FGF14: variants seen among roughly 807,000 people sequenced by gnomAD.
The protein encoded by FGF14 is fibroblast growth factor 14.
A neutral mutation model predicts 25.5 loss-of-function variants in FGF14; 5 were observed. The ratio of observed to expected loss-of-function variants is 0.20; its 90% CI spans 0.10 to 0.41. FGF14 has a LOEUF of 0.41. Among genes scored for constraint, FGF14 ranks in the 10% least tolerant of loss-of-function variants. The pLI, the probability that FGF14 is intolerant of heterozygous loss-of-function variation, is 1.00. For missense variants in FGF14, 222 were observed against 320.1 expected (o/e 0.69, Z 2.34); for synonymous variants, 138 against 118.3 (o/e 1.17, Z -1.08).
At chr13:101,817,999 T>C (rs2041927206) in intron 3 of FGF14, among the ~76,000 whole-genome samples, 2 of 152,206 alleles carry the variant, frequency 1.3e-5, no homozygotes, top group South Asian at 2.1e-4. Flanking sequence ...CTCTCAGTTA[T>C]TCAGTCAGTC....
intron 3 of FGF14, among the ~76,000 whole-genome samples, chr13:101,837,503 C>T (rs1175335868): frequency 1.3e-5 from 2 of 152,024 alleles, no homozygotes; most frequent in Non-Finnish European, 2.9e-5. Flanking sequence ...TAAATGATGG[C>T]TATCATCACA....
At chr13:102,033,283 T>C (rs1029582994) in intron 1 of FGF14, among the ~76,000 whole-genome samples, 4 of 152,046 alleles carry the variant, frequency 2.6e-5, no homozygotes, top group Admixed American at 2.6e-4. Flanking sequence ...CATATACCAG[T>C]ATACAAATAA....
intron 1 of FGF14, among the ~76,000 whole-genome samples, chr13:102,050,474 A>G (rs1229195667): frequency 6.6e-6 from 1 of 152,204 alleles, no homozygotes; most frequent in Non-Finnish European, 1.5e-5. Flanking sequence ...GTAAACATCC[A>G]ACAACTGATA....
intron 1 of FGF14, among the ~76,000 whole-genome samples, chr13:101,966,623 C>G (rs2037218031): frequency 6.6e-6 from 1 of 152,156 alleles, no homozygotes; most frequent in South Asian, 2.1e-4. Context: ...GCTGGGATTA[C>G]AGGTGCCCAC....
chr13:102,394,820 C>G lies in FGF14; in HGVS notation c.208+6651G>C, dbSNP rs540805149. Reference sequence around the variant, plus strand: ...TCCACACTCGGAACCCAGCTTCACCCGGATTACCGAGGGGTTCCACGCCTG... The same window carrying G: ...TCCACACTCGGAACCCAGCTTCACCGGGATTACCGAGGGGTTCCACGCCTG... On this transcript the variant is annotated intron_variant, in intron 1 of 4. Transcript: ENST00000376131. 1.0e-4 allele frequency: 16 copies of G among 152,506 alleles called. 1 individual carries two copies. The highest frequency in any genetic ancestry group is 5.2e-4 in the Admixed American group (8 of 15,312). 9.4% of individuals were successfully genotyped at this position (152,506 alleles called of 1,614,324 possible).
At chr13:102,124,820 C>T (rs1240332634) in intron 1 of FGF14, among the ~76,000 whole-genome samples, 1 of 152,100 alleles carries the variant, frequency 6.6e-6, no homozygotes, top group African/African-American at 2.4e-5. Context: ...AGCAAACATT[C>T]TTCTGCATTC....
At chr13:102,355,461 T>C (rs189286628) in intron 1 of FGF14, among the ~76,000 whole-genome samples, 3 of 151,828 alleles carry the variant, frequency 2.0e-5, no homozygotes, top group African/African-American at 7.3e-5. Flanking sequence ...CTCCCCCAGA[T>C]GGTGATTCCT....
intron 1 of FGF14, among the ~76,000 whole-genome samples, chr13:102,169,100 T>TGAAGCTTTGTAAGATTCG (rs527425886): frequency 7.9e-5 from 12 of 151,378 alleles, no homozygotes; most frequent in Non-Finnish European, 1.6e-4. Context: ...TTAGGATATA[T>TGAAGCTTTGTAAGATTCG]GAAGCTTTGT....
chr13:101,712,082 G>A lies in FGF14; in HGVS notation c.*10749C>T, dbSNP rs952975007. On this transcript the variant is annotated 3_prime_UTR_variant, in exon 5 of 5. Coordinates refer to ENST00000376143, the MANE Select transcript of FGF14 (RefSeq NM_004115.4). ...TGTTATGGAAGAAAACAGCTAGAGC[G>A]TTCTACAGGAAAAGTGCTATAATAG... 4.6e-5 allele frequency: 7 copies of A among 152,136 alleles called. No homozygotes were observed. Among genetic ancestry groups the A allele is most frequent in the South Asian group, 2.1e-4 (1 of 4,822 alleles). The allele number at this position is 152,136 out of a possible 1,614,324, so 9.4% of individuals were successfully genotyped here.
At chr13:102,156,588 T>G (rs2047352113) in intron 1 of FGF14, among the ~76,000 whole-genome samples, 1 of 152,346 alleles carries the variant, frequency 6.6e-6, no homozygotes, top group Non-Finnish European at 1.5e-5. Flanking sequence ...GCATTCCCTT[T>G]GAAAACTGGC....
intron 3 of FGF14, among the ~76,000 whole-genome samples, chr13:101,797,772 T>TGCGCGC (rs1555384574): frequency 0.023 from 3,279 of 145,658 alleles, 57 homozygotes; most frequent in Middle Eastern, 0.059. Context: ...TGTGTGTGTG[T>TGCGCGC]GTGTGTGTGT....
chr13:102,383,077 T>G (rs747825527), intron 1 of FGF14, among the ~76,000 whole-genome samples: 1 of 152,132 alleles, frequency 6.6e-6, no homozygotes, highest in Non-Finnish European at 1.5e-5. Flanking sequence ...AATTGTATAC[T>G]TTAAAAGGGT....
At chr13:102,262,714 C>T (rs898143765) in intron 1 of FGF14, among the ~76,000 whole-genome samples, 1 of 152,158 alleles carries the variant, frequency 6.6e-6, no homozygotes, top group African/African-American at 2.4e-5. Context: ...GAATAACACA[C>T]TTTCACTGAT....
intron 1 of FGF14, among the ~76,000 whole-genome samples, chr13:101,988,902 ATTTG>A (rs894686882): frequency 1.1e-4 from 17 of 151,370 alleles, no homozygotes; most frequent in East Asian, 1.9e-4. Flanking sequence ...GGTTTCTTTT[ATTTG>A]TTTGTTTGTT....
At chr13:101,797,772 T>TGTGCGCGCGC (rs1555384573) in intron 3 of FGF14, among the ~76,000 whole-genome samples, 45 of 145,556 alleles carry the variant, frequency 3.1e-4, no homozygotes, top group African/African-American at 1.1e-3. Context: ...TGTGTGTGTG[T>TGTGCGCGCGC]GTGTGTGTGT....
intron 1 of FGF14, among the ~76,000 whole-genome samples, chr13:101,990,630 TG>T (rs1256803682): frequency 6.6e-6 from 1 of 152,100 alleles, no homozygotes; most frequent in Non-Finnish European, 1.5e-5. Flanking sequence ...TGCATCAGTA[TG>T]GGGCTTTGGG....
intron 1 of FGF14, among the ~76,000 whole-genome samples, chr13:102,309,412 C>T (rs2138660492): frequency 6.6e-6 from 1 of 152,250 alleles, no homozygotes; most frequent in Middle Eastern, 3.4e-3. Context: ...GGGCTATCAG[C>T]CTGCACTAAC....
At chr13:102,220,694 T>TA (rs1686682665) in intron 1 of FGF14, among the ~76,000 whole-genome samples, 1 of 152,230 alleles carries the variant, frequency 6.6e-6, no homozygotes, top group Non-Finnish European at 1.5e-5. Flanking sequence ...TAGGTTGCTG[T>TA]ACCTTCTCTT....
intron 1 of FGF14, among the ~76,000 whole-genome samples, chr13:102,004,520 GCT>G (rs1042615999): frequency 9.2e-5 from 14 of 152,278 alleles, no homozygotes; most frequent in African/African-American, 3.4e-4. Flanking sequence ...CTTTAGTGAT[GCT>G]CTCTCTCTAT....
Sources: gnomAD v4.1 joint callset for allele counts (sites outside exome capture counted in the v4.1 genomes callset) on GRCh38, gnomAD v4.1.1 for gene constraint, MANE v1.5 for transcripts, NCBI Gene and HGNC (gene_info 2026-07-23, HGNC 2026-07-21) for gene names.